The following THSD7A variants were observed in gnomAD, a reference collection of about 807,000 sequenced individuals.
THSD7A encodes thrombospondin type-1 domain-containing protein 7A.
A neutral mutation model predicts 231.3 loss-of-function variants in THSD7A; 96 were observed. That is an observed-to-expected ratio of 0.41 (90% confidence interval 0.35 to 0.49). The LOEUF (loss-of-function observed/expected upper bound fraction) is 0.49, where lower values mean the gene tolerates loss of function less well. Among genes scored for constraint, THSD7A ranks in the 20% least tolerant of loss-of-function variants. The pLI is 0.05. For synonymous variants in THSD7A, 940 were observed against 743.3 expected (o/e 1.26, Z -4.30); for missense variants, 2,290 against 2,070.2 (o/e 1.11, Z -2.06).
chr7:11,688,009 T>G (rs1584214130), intron 1 of THSD7A, among the ~76,000 whole-genome samples: 1 of 151,584 alleles, frequency 6.6e-6, no homozygotes, highest in African/African-American at 2.4e-5. Flanking sequence ...TGCTGCACCC[T>G]GTAACTCCTC....
At chr7:11,424,294 A>T (rs1463784694) in intron 16 of THSD7A, among the ~76,000 whole-genome samples, 2 of 152,220 alleles carry the variant, frequency 1.3e-5, no homozygotes, top group African/African-American at 2.4e-5. Context: ...GGCTTCAGAG[A>T]AAGCTCCCTG....
At chr7:11,783,845 AG>A (rs1324395431) in intron 1 of THSD7A, among the ~76,000 whole-genome samples, 3 of 152,140 alleles carry the variant, frequency 2.0e-5, no homozygotes, top group Non-Finnish European at 4.4e-5. Context: ...AGTTGCAAAG[AG>A]GAAATATTTG....
rs1465221659 is a variant in THSD7A, at chr7:11,373,809, A to AAGAT, written c.*1981_*1984dup. 1 of 152,118 alleles carries AAGAT rather than the reference A, an allele frequency of 6.6e-6. No individual in the cohort carries two copies. Among genetic ancestry groups the AAGAT allele is most frequent in the African/African-American group, 2.4e-5 (1 of 41,446 alleles). The allele number at this position is 152,118 out of a possible 1,614,324, so 9.4% of individuals were successfully genotyped here. A position where few individuals can be genotyped will look rare whatever the true frequency, so the allele number is the denominator to read the frequency against. On this transcript the variant is annotated 3_prime_UTR_variant, in exon 28 of 28. Transcript: ENST00000423059. ...CACTTTTACAGGAACACAGCTGTTT[A>AAGAT]AGATAAAATAGCATGTTAGTTATAT...
At position 11,456,603 on chromosome 7, in the gene THSD7A, C is replaced by T. The variant is rs191189659; in HGVS notation, c.2605+4059G>A. On this transcript the variant is annotated intron_variant, in intron 11 of 27. Transcript: ENST00000423059. ...TCTGACTACATCATTGGTTACATGGCTTTTGGGTTTAGATCAAGGGTCAGC... is the reference window on the plus strand; with the variant it reads ...TCTGACTACATCATTGGTTACATGGTTTTTGGGTTTAGATCAAGGGTCAGC... Among the ~76,000 whole-genome samples the T allele has an allele frequency of 1.5e-4, 23 of 152,010 alleles. No individual in the cohort carries two copies. The East Asian group carries it at 4.1e-3, about 27-fold the overall frequency.
At chr7:11,421,407 G>A (rs886743802) in intron 16 of THSD7A, among the ~76,000 whole-genome samples, 9 of 151,924 alleles carry the variant, frequency 5.9e-5, no homozygotes, top group Non-Finnish European at 1.2e-4. Flanking sequence ...CTTTTGTCAT[G>A]ATTGTAAGTT....
intron 1 of THSD7A, among the ~76,000 whole-genome samples, chr7:11,652,312 T>C (rs1389430491): frequency 6.6e-6 from 1 of 151,966 alleles, no homozygotes; most frequent in Non-Finnish European, 1.5e-5. Flanking sequence ...TTACTACAAA[T>C]AATTATTTAG....
chr7:11,768,754 GT>G (rs1783110585), intron 1 of THSD7A, among the ~76,000 whole-genome samples: 1 of 151,938 alleles, frequency 6.6e-6, no homozygotes, highest in Admixed American at 6.6e-5. Context: ...TTGTTAATTT[GT>G]TATATAAAAT....
chr7:11,723,280 A>C (rs960239377), intron 1 of THSD7A, among the ~76,000 whole-genome samples: 1 of 142,630 alleles, frequency 7.0e-6, no homozygotes, highest in East Asian at 2.3e-4. Flanking sequence ...AACAATGAGA[A>C]CACATTGACA....
chr7:11,738,002 T>A (rs1043034778), intron 1 of THSD7A, among the ~76,000 whole-genome samples: 5 of 151,560 alleles, frequency 3.3e-5, no homozygotes, highest in African/African-American at 9.7e-5. Flanking sequence ...CTTACATCAC[T>A]TAATGTATTT....
chr7:11,401,669 C>T, intron 23 of THSD7A, 126 bp downstream of exon 23: 1 of 858,248 alleles, frequency 1.2e-6, no homozygotes, highest in Non-Finnish European at 1.7e-6. Flanking sequence ...ACCTAGGCCT[C>T]CCAAAGCGTT....
chr7:11,509,228 G>C (rs192656210), intron 6 of THSD7A, among the ~76,000 whole-genome samples: 58 of 151,920 alleles, frequency 3.8e-4, no homozygotes, highest in Non-Finnish European at 7.1e-4. Context: ...GTTTTCTTTG[G>C]GGCTTTGATA....
chr7:11,517,300 G>A (rs887107850), intron 6 of THSD7A, among the ~76,000 whole-genome samples: 2 of 151,912 alleles, frequency 1.3e-5, no homozygotes, highest in African/African-American at 4.8e-5. Context: ...GGCTGGTCTT[G>A]AACTCCTGAC....
chr7:11,545,559 C>T (rs1410095916), intron 4 of THSD7A, among the ~76,000 whole-genome samples: 1 of 152,020 alleles, frequency 6.6e-6, no homozygotes, highest in Non-Finnish European at 1.5e-5. Flanking sequence ...AGAACCTGGG[C>T]TAAAAGAAGA....
At chr7:11,525,121 A>G (rs983923241) in intron 6 of THSD7A, among the ~76,000 whole-genome samples, 12 of 152,188 alleles carry the variant, frequency 7.9e-5, no homozygotes, top group Non-Finnish European at 1.8e-4. Context: ...AAATGCTTTT[A>G]TCAAATTAGA....
rs189429456 is a variant in THSD7A at position 11,794,826 on chromosome 7, G to A, written c.190+36931C>T. ...TTTGAAATAGAAGCAAATTCTTTAT[G>A]TCAGAGCACTGTGCATGAGAAGTTC... On this transcript the variant is annotated intron_variant, in intron 1 of 27. Transcript: ENST00000423059. 2.5e-3 allele frequency among the ~76,000 whole-genome samples: 376 copies of A among 152,076 alleles called. 2 individuals are homozygous for A. Among genetic ancestry groups the A allele is most frequent in the Middle Eastern group, 0.017 (5 of 294 alleles).
chr7:11,505,411 C>G (rs1371138066), intron 6 of THSD7A, among the ~76,000 whole-genome samples: 2 of 150,978 alleles, frequency 1.3e-5, no homozygotes, highest in African/African-American at 4.9e-5. Flanking sequence ...TCAGCTACAC[C>G]TTAGGTTTCC....
chr7:11,700,524 T>A (rs1242253552), intron 1 of THSD7A, among the ~76,000 whole-genome samples: 2 of 151,244 alleles, frequency 1.3e-5, no homozygotes, highest in African/African-American at 4.8e-5. Flanking sequence ...ATACTTAATA[T>A]ATAACAAAAT....
chr7:11,547,558 C>A (rs1452793224), intron 4 of THSD7A, among the ~76,000 whole-genome samples: 1 of 152,216 alleles, frequency 6.6e-6, no homozygotes, highest in Non-Finnish European at 1.5e-5. Flanking sequence ...TTCTTCTCAT[C>A]TGTGCACAGC....
intron 1 of THSD7A, among the ~76,000 whole-genome samples, chr7:11,689,468 T>C (rs1287721458): frequency 6.6e-6 from 1 of 151,824 alleles, no homozygotes; most frequent in Non-Finnish European, 1.5e-5. Flanking sequence ...TTTGAGAAGC[T>C]GTTTGAAAGA....
Sources: gnomAD v4.1 joint callset for allele counts (sites outside exome capture counted in the v4.1 genomes callset) on GRCh38, gnomAD v4.1.1 for gene constraint, MANE v1.5 for transcripts, NCBI Gene and HGNC (gene_info 2026-07-23, HGNC 2026-07-21) for gene names.